DST: variants seen among roughly 807,000 people sequenced by gnomAD.
DST encodes the protein dystonin.
A neutral mutation model predicts 875.2 loss-of-function variants in DST; 253 were observed. The observed-to-expected ratio is 0.29, with a 90% confidence interval of 0.26 to 0.32. DST has a LOEUF of 0.32. Ranked by LOEUF, DST falls within the 10% of genes least tolerant of loss-of-function variation. The pLI is 1.00. For synonymous variants in DST, 3,124 were observed against 3,197.1 expected, an observed-to-expected ratio of 0.98 and a Z score of 0.77; for missense variants, 8,287 against 9,111.6, an observed-to-expected ratio of 0.91 and a Z score of 3.68.
At chr6:56,734,380 C>G (rs2099515546) in intron 5 of DST, among the ~76,000 whole-genome samples, 1 of 152,228 alleles carries the variant, frequency 6.6e-6, no homozygotes, top group South Asian at 2.1e-4. Flanking sequence ...TGGTACCACT[C>G]TTAAGCTACA....
Position 56,607,432 on chromosome 6 carries a change from T to C in DST, c.7196A>G (p.Glu2399Gly). The change falls in exon 40 of 104, where the codon GAA (glutamate) becomes GGA (glycine). Residue 2399 changes from glutamate (E) to glycine (G), a missense_variant. Coordinates refer to ENST00000680361, the MANE Select transcript of DST (RefSeq NM_001374736.1). ...NIQNFPSDLIENPIMKSKMSK... is the reference protein window; with the variant it reads ...NIQNFPSDLIGNPIMKSKMSK... ...CATTTTTGATTTCATAATAGGATTT[T>C]CTATTAAATCACTTGGAAAGTTTTG... The C allele has an allele frequency of 6.2e-7, 1 of 1,608,984 alleles. No individual in the cohort carries two copies. Among genetic ancestry groups the C allele is most frequent in the Non-Finnish European group, 8.5e-7 (1 of 1,177,206 alleles).
At position 56,458,843 on chromosome 6, in the gene DST, AT is replaced by A. The variant is rs2094181588; in HGVS notation, c.*161del. 1.3e-6 allele frequency: 1 copy of A among 788,314 alleles called. No individual in the cohort carries two copies. Among genetic ancestry groups the A allele is most frequent in the Non-Finnish European group, 1.8e-6 (1 of 541,142 alleles). 48.8% of individuals were successfully genotyped at this position (788,314 alleles called of 1,614,324 possible). ...AACCCCAGAATATCTGACAAAAAAAATTATACAGATAAAATAAAAAGACAAA... is the reference window on the plus strand; with the variant it reads ...AACCCCAGAATATCTGACAAAAAAAATATACAGATAAAATAAAAAGACAAA... On this transcript the variant is annotated 3_prime_UTR_variant, in exon 104 of 104. Coordinates refer to ENST00000680361, the MANE Select transcript of DST (RefSeq NM_001374736.1).
At chr6:56,717,169 C>T (rs144894858) in intron 5 of DST, among the ~76,000 whole-genome samples, 3,208 of 150,106 alleles carry the variant, frequency 0.021, 36 homozygotes, top group Non-Finnish European at 0.033. Context: ...TGCAACAGAG[C>T]GAGACTCCGT....
intron 9 of DST, among the ~76,000 whole-genome samples, chr6:56,677,172 G>A (rs971503648): frequency 6.6e-6 from 1 of 152,022 alleles, no homozygotes; most frequent in African/African-American, 2.4e-5. Context: ...CTCCTTTGGT[G>A]GTTCTAAAGA....
At chr6:56,598,440 A>G in intron 46 of DST, 36 bp downstream of exon 46, 1 of 1,272,282 alleles carries the variant, frequency 7.9e-7, no homozygotes, top group Middle Eastern at 1.9e-4. Flanking sequence ...AAGCTTTTTG[A>G]CATAGCAATA....
chr6:56,463,438 G>A (rs1004578400), intron 101 of DST, 127 bp downstream of exon 101: 7 of 942,142 alleles, frequency 7.4e-6, no homozygotes, highest in Non-Finnish European at 1.1e-5. Flanking sequence ...ATTTCCCACA[G>A]TATGAGAAGG....
At chr6:56,808,449 G>T (rs904596608) in intron 4 of DST, among the ~76,000 whole-genome samples, 2 of 151,946 alleles carry the variant, frequency 1.3e-5, no homozygotes, top group Admixed American at 6.6e-5. Context: ...AATGCAGTGG[G>T]AAAAAAATGT....
intron 2 of DST, among the ~76,000 whole-genome samples, chr6:56,944,139 T>C (rs977746207): frequency 2.6e-5 from 4 of 152,016 alleles, no homozygotes; most frequent in Non-Finnish European, 4.4e-5. Context: ...AAAAATAAGA[T>C]ACAATATGAA....
Position 56,593,980 on chromosome 6 carries a change from C to T in DST, c.12409G>A (p.Glu4137Lys). ...TCGGTATAGTCAGCATCAAACTTTT[C>T]TAATTCTTCCTGCAGAGAGTGAGTT... ...KLTHSLQEEL[E>K]KFDADYTEFE... The change falls in exon 48 of 104, where the codon GAA becomes AAA. Residue 4137 changes from glutamate (E) to lysine (K), a missense_variant. Around this residue, in one of 10 missense-constraint regions of DST, gnomAD observed 1,513 missense variants for 1,677.8 expected, o/e 0.90. Coordinates refer to ENST00000680361, the MANE Select transcript of DST (RefSeq NM_001374736.1). 2 of 1,613,926 alleles carry T rather than the reference C, an allele frequency of 1.2e-6. No individual in the cohort carries two copies. Among genetic ancestry groups the T allele is most frequent in the African/African-American group, 1.3e-5 (1 of 75,032 alleles).
intron 3 of DST, among the ~76,000 whole-genome samples, chr6:56,867,704 G>C (rs772242766): frequency 6.6e-6 from 1 of 152,082 alleles, no homozygotes; most frequent in Admixed American, 6.5e-5. Flanking sequence ...GTGCACAGCC[G>C]TAGTGCCAGC....
chr6:56,545,344 C>T (rs7761281), intron 61 of DST, among the ~76,000 whole-genome samples: 2 of 151,378 alleles, frequency 1.3e-5, no homozygotes, highest in African/African-American at 4.9e-5. Flanking sequence ...TAATAAGGTA[C>T]GTAAAGTTTT....
At chr6:56,878,261 T>C (rs1780411094) in intron 3 of DST, among the ~76,000 whole-genome samples, 1 of 152,186 alleles carries the variant, frequency 6.6e-6, no homozygotes, top group Non-Finnish European at 1.5e-5. Flanking sequence ...GCATATCCTA[T>C]GCCTTAAACC....
At chr6:56,491,802 A>T (rs2095755165) in intron 85 of DST, among the ~76,000 whole-genome samples, 1 of 152,172 alleles carries the variant, frequency 6.6e-6, no homozygotes, top group Non-Finnish European at 1.5e-5. Flanking sequence ...GGCTCTCAGC[A>T]CTGATAGCTT....
intron 4 of DST, among the ~76,000 whole-genome samples, chr6:56,770,999 C>CAAA (rs199539222): frequency 1.3e-5 from 1 of 77,390 alleles, no homozygotes; most frequent in East Asian, 3.6e-4. Flanking sequence ...AACTCCATCT[C>CAAA]AAAAAAAAAA....
intron 2 of DST, among the ~76,000 whole-genome samples, chr6:56,921,914 G>T (rs962851608): frequency 1.3e-5 from 2 of 152,122 alleles, no homozygotes; most frequent in Non-Finnish European, 2.9e-5. Flanking sequence ...ATGAAAAAAG[G>T]TTCTAGGCAC....
In DST at chr6:56,632,861, T is replaced by G. The variant is rs770608001; in HGVS notation, c.3798A>C (p.Ala1266=). The G allele has an allele frequency of 6.2e-6, 10 of 1,613,468 alleles. No individual in the cohort carries two copies. The highest frequency in any genetic ancestry group is 8.5e-6 in the Non-Finnish European group (10 of 1,179,754). The change falls in exon 28 of 104, where the codon GCA becomes GCC. Residue 1266 remains alanine, a synonymous_variant. Coordinates refer to ENST00000680361, the MANE Select transcript of DST (RefSeq NM_001374736.1). ...KQYYQELLKS[A]EREEQEESVY... is the part of the protein sequence containing the mutation. ...GGGATCCCCATGCTTTACCTCTTTC[T>G]GCAGATTTAAGAAGTTCTTGATAAT...
chr6:56,716,354 C>T (rs979002182), intron 5 of DST, among the ~76,000 whole-genome samples: 6 of 152,148 alleles, frequency 3.9e-5, no homozygotes, highest in Non-Finnish European at 7.3e-5. Context: ...AATATCCTTA[C>T]GCAAAATCAT....
intron 27 of DST, among the ~76,000 whole-genome samples, chr6:56,633,607 TCTC>T (rs2098801750): frequency 6.6e-6 from 1 of 150,810 alleles, no homozygotes; most frequent in Non-Finnish European, 1.5e-5. Context: ...TCCAAGCAAT[TCTC>T]CTGCCTCAGC....
At position 56,552,354 on chromosome 6, in the gene DST, C is replaced by T. The variant is rs367811709; in HGVS notation, c.16438G>A (p.Ala5480Thr). The T allele has an allele frequency of 3.7e-6, 6 of 1,613,822 alleles. No individual in the cohort carries two copies. The African/African-American group carries it at 6.7e-5, about 18-fold the overall frequency. ...TCAACCTGCTCTTCTCTGGCTTGGG[C>T]TCGGTCCAGTAACTTGTTGCATTGT... ...SKQCNKLLDR[A>T]QAREEQVEGT... is the part of the protein sequence containing the mutation. The change falls in exon 61 of 104, where the codon GCC becomes ACC. Residue 5480 changes from alanine to threonine, a missense_variant. Physicochemically the swap from Ala to Thr is moderately conservative, Grantham distance 58. Around this residue, in one of 10 missense-constraint regions of DST, gnomAD observed 777 missense variants for 764.8 expected, o/e 1.02. Coordinates refer to ENST00000680361, the MANE Select transcript of DST (RefSeq NM_001374736.1).
Sources: gnomAD v4.1 joint callset for allele counts (sites outside exome capture counted in the v4.1 genomes callset) on GRCh38, gnomAD v4.1.1 for gene constraint, gnomAD v4.1.1 regional missense constraint, MANE v1.5 for transcripts, NCBI Gene and HGNC (gene_info 2026-07-23, HGNC 2026-07-21) for gene names.